The following MTTP variants were observed in gnomAD, a reference collection of about 807,000 sequenced individuals.
The protein encoded by MTTP is microsomal triglyceride transfer protein large subunit.
A neutral mutation model predicts 90.6 loss-of-function variants in MTTP; 49 were observed. The ratio of observed to expected loss-of-function variants is 0.54; its 90% CI spans 0.43 to 0.69. The LOEUF is 0.69. MTTP is among the 30% of genes least tolerant of loss of function. The pLI is 0.00. For synonymous variants in MTTP, 347 were observed against 384.2 expected (o/e 0.90, Z 1.13); for missense variants, 945 against 1,067.5 (o/e 0.89, Z 1.60).
In MTTP at chr4:99,605,869, A is replaced by ATGTGTGTGTGTGTGTGTG. The variant is rs111417359; in HGVS notation, c.1345-877_1345-860dup. Among the ~76,000 whole-genome samples the ATGTGTGTGTGTGTGTGTG allele has an allele frequency of 4.3e-3, 643 of 149,274 alleles. 7 individuals carry two copies. Among genetic ancestry groups the ATGTGTGTGTGTGTGTGTG allele is most frequent in the South Asian group, 0.022 (101 of 4,686 alleles). Reference sequence around the variant, plus strand: ...TCATCCATTCTCCCCAACCCCATGTATGTGTGTGTGTGTGTGTGTATGTGT... The same window carrying ATGTGTGTGTGTGTGTGTG: ...TCATCCATTCTCCCCAACCCCATGTATGTGTGTGTGTGTGTGTGTGTGTGTGTGTGTGTGTGTATGTGT... On this transcript the variant is annotated intron_variant, in intron 10 of 17. Coordinates refer to ENST00000265517, the MANE Select transcript of MTTP (RefSeq NM_001386140.1).
chr4:99,574,491 G>A (rs1462856743), upstream of MTTP, among the ~76,000 whole-genome samples: 1 of 152,172 alleles, frequency 6.6e-6, no homozygotes, highest in Non-Finnish European at 1.5e-5. Context: ...GTATTGTAAT[G>A]TGAATATAGG....
At chr4:99,575,803 A>G (rs1724942059) in intron 1 of MTTP, among the ~76,000 whole-genome samples, 1 of 152,234 alleles carries the variant, frequency 6.6e-6, no homozygotes, top group Non-Finnish European at 1.5e-5. Flanking sequence ...TTAGGAAGAC[A>G]CACTGTTAAA....
intron 15 of MTTP, among the ~76,000 whole-genome samples, chr4:99,615,498 G>A (rs1726076541): frequency 6.6e-6 from 1 of 152,180 alleles, no homozygotes; most frequent in Admixed American, 6.5e-5. Context: ...TGTGTGTCAG[G>A]TTGGAGTATT....
In MTTP at chr4:99,606,778, G is replaced by C; in HGVS notation, c.1375G>C (p.Gly459Arg). 6.2e-7 allele frequency: 1 copy of C among 1,613,790 alleles called. No individual in the cohort carries two copies. The highest frequency in any genetic ancestry group is 8.5e-7 in the Non-Finnish European group (1 of 1,179,964). Reference sequence around the variant, plus strand: ...AGTGGAAGCTAAGAAGTTAATCCTGGGAGGACTTGAAAAAGCAGAGAAAAA... The same window carrying C: ...AGTGGAAGCTAAGAAGTTAATCCTGCGAGGACTTGAAAAAGCAGAGAAAAA... ...AVVEAKKLIL[G>R]GLEKAEKKED... Residue 459 changes from glycine (G) to arginine (R), a missense_variant, in exon 11 of 18, where the codon GGA (glycine) becomes CGA (arginine). By Grantham distance (125) the Gly-to-Arg change is moderately radical. Transcript: ENST00000265517.
chr4:99,573,840 C>T (rs949115630), upstream of MTTP, among the ~76,000 whole-genome samples: 1 of 152,024 alleles, frequency 6.6e-6, no homozygotes, highest in African/African-American at 2.4e-5. Context: ...CCCTTCTTTG[C>T]CAAAACATTC....
chr4:99,576,028 G>A (rs1578230731), intron 1 of MTTP, among the ~76,000 whole-genome samples: 1 of 152,046 alleles, frequency 6.6e-6, no homozygotes, highest in Non-Finnish European at 1.5e-5. Context: ...AGCAATAGAG[G>A]GTTAAATTTA....
At chr4:99,569,181 CACTTT>C (rs1192049105) in intron 1 of MTTP, among the ~76,000 whole-genome samples, 2 of 152,100 alleles carry the variant, frequency 1.3e-5, no homozygotes, top group African/African-American at 4.8e-5. Flanking sequence ...AAGAAAATAG[CACTTT>C]ACCTCTGTGG....
chr4:99,570,277 T>C (rs1578227460), upstream of MTTP, among the ~76,000 whole-genome samples: 1 of 152,142 alleles, frequency 6.6e-6, no homozygotes, highest in South Asian at 2.1e-4. Context: ...TTACAGAATA[T>C]ATATAGAATA....
At chr4:99,600,442 C>T (rs1725666054) in intron 8 of MTTP, 123 bp from the exon 9 acceptor site, 3 of 1,021,832 alleles carry the variant, frequency 2.9e-6, no homozygotes, top group Non-Finnish European at 2.9e-6. Flanking sequence ...TTCATTTGTT[C>T]AAATTAAAAA....
At chr4:99,581,872 G>A in intron 1 of MTTP, 33 bp from the exon 2 acceptor site, 1 of 1,609,992 alleles carries the variant, frequency 6.2e-7, no homozygotes, top group Non-Finnish European at 8.5e-7. Flanking sequence ...CCCTTACAAT[G>A]AAAACTGGAT....
chr4:99,609,074 A>T, intron 12 of MTTP, 97 bp downstream of exon 12: 1 of 1,210,968 alleles, frequency 8.3e-7, no homozygotes. Context: ...GTCATTATGC[A>T]GGGTTACGTT....
intron 1 of MTTP, among the ~76,000 whole-genome samples, chr4:99,578,559 C>T (rs553644813): frequency 6.6e-5 from 10 of 152,284 alleles, no homozygotes; most frequent in African/African-American, 2.4e-4. Flanking sequence ...ATAAAGGGCC[C>T]ATTCTTTTCT....
upstream of MTTP, among the ~76,000 whole-genome samples, chr4:99,572,213 G>A (rs748313595): frequency 1.3e-5 from 2 of 151,822 alleles, no homozygotes; most frequent in African/African-American, 2.4e-5. Context: ...ACTACCTAAG[G>A]AATTTCATTG....
intron 17 of MTTP, among the ~76,000 whole-genome samples, chr4:99,621,876 T>G (rs1489310912): frequency 2.0e-5 from 3 of 152,222 alleles, no homozygotes; most frequent in Non-Finnish European, 1.5e-5. Context: ...TAGAATGCCT[T>G]GAGTCTAGGT....
chr4:99,616,082 C>T (rs1726092396), intron 15 of MTTP, among the ~76,000 whole-genome samples: 1 of 152,044 alleles, frequency 6.6e-6, no homozygotes, highest in African/African-American at 2.4e-5. Flanking sequence ...TTGTGATAGC[C>T]ATGAATATTA....
At chr4:99,569,349 T>C (rs1040723152) in intron 1 of MTTP, among the ~76,000 whole-genome samples, 1 of 152,022 alleles carries the variant, frequency 6.6e-6, no homozygotes, top group African/African-American at 2.4e-5. Context: ...CTAAATGTAA[T>C]GTACCCTGGA....
In MTTP at chr4:99,611,472, A is replaced by G. The variant is rs917995886; in HGVS notation, c.1989+19A>G. ...TAGCCAGGTAACTCACTTCTCATGG[A>G]TTTTGCTTAATAAAGTATGCAAGAA... is the stretch of plus-strand genomic sequence containing the variant. On this transcript the variant is annotated intron_variant, in intron 14 of 17. Transcript: ENST00000265517. 6.2e-7 allele frequency: 1 copy of G among 1,613,692 alleles called. No homozygotes were observed. Among genetic ancestry groups the G allele is most frequent in the Admixed American group, 1.7e-5 (1 of 60,008 alleles).
intron 10 of MTTP, 65 bp from the exon 11 acceptor site, chr4:99,606,683 C>G (rs1044468359): frequency 6.6e-7 from 1 of 1,525,184 alleles, no homozygotes; most frequent in Admixed American, 1.7e-5. Flanking sequence ...AAGAATAAAG[C>G]CAGTCTCACC....
chr4:99,589,609 C>A, intron 3 of MTTP, 34 bp from the exon 4 acceptor site: 1 of 1,255,098 alleles, frequency 8.0e-7, no homozygotes, highest in Non-Finnish European at 1.2e-6. Flanking sequence ...TGCATTTTTG[C>A]TTCATTTGTG....
Sources: gnomAD v4.1 joint callset for allele counts (sites outside exome capture counted in the v4.1 genomes callset) on GRCh38, gnomAD v4.1.1 for gene constraint, MANE v1.5 for transcripts, NCBI Gene and HGNC (gene_info 2026-07-23, HGNC 2026-07-21) for gene names.